Variants in RABGAP1L observed in about 807,000 individuals in gnomAD.
The protein encoded by RABGAP1L is rab GTPase-activating protein 1-like.
A neutral mutation model predicts 137.7 loss-of-function variants in RABGAP1L; 63 were observed. The observed-to-expected ratio is 0.46, with a 90% confidence interval of 0.37 to 0.56. The LOEUF is 0.56. RABGAP1L is among the 20% of genes least tolerant of loss of function. RABGAP1L has a pLI of 0.00. For missense variants in RABGAP1L, 1,095 were observed against 1,244.0 expected (o/e 0.88, Z 1.80); for synonymous variants, 431 against 433.7 (o/e 0.99, Z 0.08).
At chr1:174,334,076 T>C (rs1329325066) in intron 11 of RABGAP1L, among the ~76,000 whole-genome samples, 1 of 152,200 alleles carries the variant, frequency 6.6e-6, no homozygotes, top group Non-Finnish European at 1.5e-5. Context: ...CATATGTCCA[T>C]GTTGAGACCT....
At chr1:174,870,266 C>T (rs183679780) in intron 19 of RABGAP1L, among the ~76,000 whole-genome samples, 9 of 152,234 alleles carry the variant, frequency 5.9e-5, no homozygotes, top group African/African-American at 1.9e-4. Flanking sequence ...TTATTTTTTC[C>T]CTGTAAAAAA....
At chr1:174,975,226 G>A (rs1168048966) in intron 21 of RABGAP1L, among the ~76,000 whole-genome samples, 1 of 152,190 alleles carries the variant, frequency 6.6e-6, no homozygotes, top group East Asian at 1.9e-4. Context: ...TAGTGGGCAA[G>A]ACAAATAAAT....
intron 13 of RABGAP1L, among the ~76,000 whole-genome samples, chr1:174,419,860 C>G (rs1373421631): frequency 1.3e-5 from 2 of 152,056 alleles, no homozygotes; most frequent in South Asian, 2.1e-4. Flanking sequence ...GTTTTTTTCT[C>G]TTGGGTTTTG....
chr1:174,197,699 C>T (rs1667802644), intron 1 of RABGAP1L, among the ~76,000 whole-genome samples: 2 of 151,960 alleles, frequency 1.3e-5, no homozygotes, highest in Non-Finnish European at 2.9e-5. Flanking sequence ...ACTCGGGTGG[C>T]TGAGGCAGGA....
At chr1:174,954,007 A>G (rs949126766) in intron 19 of RABGAP1L, 6 of 152,262 alleles carry the variant, frequency 3.9e-5, no homozygotes, top group African/African-American at 1.4e-4. Context: ...AAGGGGAACA[A>G]TAAATGTTAA....
chr1:174,398,901 G>A (rs1181943028), intron 13 of RABGAP1L, among the ~76,000 whole-genome samples: 1 of 152,082 alleles, frequency 6.6e-6, no homozygotes, highest in African/African-American at 2.4e-5. Context: ...ATTTATTTTA[G>A]AACTGTAAAT....
chr1:174,417,071 G>A (rs1244213745), intron 13 of RABGAP1L, among the ~76,000 whole-genome samples: 2 of 151,976 alleles, frequency 1.3e-5, no homozygotes, highest in African/African-American at 4.8e-5. Flanking sequence ...AAGGTTTTTG[G>A]CATTACTTTC....
chr1:174,548,192 A>G, intron 13 of RABGAP1L: 1 of 1,439,436 alleles, frequency 6.9e-7, no homozygotes, highest in Non-Finnish European at 9.1e-7. Flanking sequence ...ATAATCTCTC[A>G]GGGTGAAGGT....
At chr1:174,853,846 T>A (rs1319803221) in intron 19 of RABGAP1L, among the ~76,000 whole-genome samples, 1 of 152,180 alleles carries the variant, frequency 6.6e-6, no homozygotes, top group Non-Finnish European at 1.5e-5. Flanking sequence ...GAAAGGGAAG[T>A]ATGGTACAGA....
At chr1:174,650,295 C>T (rs1353818779) in intron 14 of RABGAP1L, among the ~76,000 whole-genome samples, 2 of 152,032 alleles carry the variant, frequency 1.3e-5, no homozygotes, top group Non-Finnish European at 2.9e-5. Context: ...CTAAAATTCT[C>T]TTTTTTGGTT....
At chr1:174,290,998 A>G (rs1676548947) in intron 10 of RABGAP1L, among the ~76,000 whole-genome samples, 1 of 152,050 alleles carries the variant, frequency 6.6e-6, no homozygotes, top group Admixed American at 6.6e-5. Context: ...GGACTCAAGC[A>G]AGCCTCCCAC....
rs990422580 is a variant in RABGAP1L, at chr1:174,761,036, G to T, written c.2211+8682G>T. ...AATTGTATTAGTTCATTTTCACACT[G>T]CTGATAAAGACATACACAAGACTGG... On this transcript the variant is annotated intron_variant, in intron 18 of 25. Transcript: ENST00000681986. This position sits in a 1 kb window ranked among gnomAD's most constrained non-coding sequence, Gnocchi z 4.0. 3.9e-5 allele frequency among the ~76,000 whole-genome samples: 6 copies of T among 152,134 alleles called. No homozygotes were observed. The highest frequency in any genetic ancestry group is 1.2e-4 in the African/African-American group (5 of 41,414).
intron 22 of RABGAP1L, among the ~76,000 whole-genome samples, chr1:174,978,579 T>A (rs1212319826): frequency 6.6e-6 from 1 of 152,216 alleles, no homozygotes; most frequent in Non-Finnish European, 1.5e-5. Flanking sequence ...TTTATAATGG[T>A]GTTGTTCATA....
At chr1:174,472,756 CAG>C (rs1234718611) in intron 13 of RABGAP1L, among the ~76,000 whole-genome samples, 3 of 152,164 alleles carry the variant, frequency 2.0e-5, no homozygotes, top group African/African-American at 7.2e-5. Flanking sequence ...ACCCAAATTT[CAG>C]ACTCTCAGAA....
intron 18 of RABGAP1L, among the ~76,000 whole-genome samples, chr1:174,764,868 C>A (rs1032453610): frequency 6.6e-5 from 10 of 152,204 alleles, no homozygotes; most frequent in Admixed American, 6.5e-4. Context: ...AGCTAGGGGG[C>A]ACCCCACTCT....
At chr1:174,406,351 G>A (rs116040677) in intron 13 of RABGAP1L, among the ~76,000 whole-genome samples, 2,610 of 152,132 alleles carry the variant, frequency 0.017, 66 homozygotes, top group African/African-American at 0.06. Context: ...TCCTTCAAAT[G>A]TGTTTAATAG....
chr1:174,382,996 T>C (rs1375833508), intron 12 of RABGAP1L, among the ~76,000 whole-genome samples: 2 of 151,148 alleles, frequency 1.3e-5, no homozygotes, highest in Admixed American at 6.6e-5. Flanking sequence ...GTTTGTTAGT[T>C]TTCCTTCTAA....
At chr1:174,241,366 A>G in intron 4 of RABGAP1L, 117 bp from the exon 5 acceptor site, 1 of 630,682 alleles carries the variant, frequency 1.6e-6, no homozygotes, top group South Asian at 3.4e-5. Context: ...TATATATCAT[A>G]TATTGTCATA....
At chr1:174,777,970 G>A (rs1449584536) in intron 18 of RABGAP1L, among the ~76,000 whole-genome samples, 1 of 152,072 alleles carries the variant, frequency 6.6e-6, no homozygotes, top group East Asian at 1.9e-4. Flanking sequence ...TGAATGGTGG[G>A]CAAAAAGCAC....
Sources: gnomAD v4.1 joint callset for allele counts (sites outside exome capture counted in the v4.1 genomes callset) on GRCh38, gnomAD v4.1.1 for gene constraint, Gnocchi (gnomAD v3.1) non-coding constraint, MANE v1.5 for transcripts, NCBI Gene and HGNC (gene_info 2026-07-23, HGNC 2026-07-21) for gene names.